Variants in KLC4 observed in about 807,000 individuals in gnomAD.
The protein encoded by KLC4 is kinesin-like protein 8.
In KLC4, 49 loss-of-function variants were observed where a neutral mutation model predicts 77.2. That is an observed-to-expected ratio of 0.63 (90% CI 0.50 to 0.80). The LOEUF (loss-of-function observed/expected upper bound fraction) is 0.80. Among genes scored for constraint, KLC4 ranks in the 30% least tolerant of loss-of-function variants. The pLI, the probability that KLC4 is intolerant of heterozygous loss-of-function variation, is 0.00. For synonymous variants in KLC4, 274 were observed against 314.5 expected (o/e 0.87, Z 1.36); for missense variants, 669 against 793.5 (o/e 0.84, Z 1.89).
At chr6:43,070,979 T>C in intron 8 of KLC4, 114 bp downstream of exon 8, 2 of 956,076 alleles carry the variant, frequency 2.1e-6, no homozygotes, top group East Asian at 2.7e-5. Flanking sequence ...AGCATCACAG[T>C]CTGGCACACT....
At chr6:43,067,318 TAA>T in intron 6 of KLC4, 5 of 897,084 alleles carry the variant, frequency 5.6e-6, no homozygotes, top group African/African-American at 1.7e-5. Flanking sequence ...AATTAATAGA[TAA>T]GTCATAGGTA....
Position 43,068,942 on chromosome 6 carries a change from T to A in KLC4, c.880-1412T>A, listed in dbSNP as rs1054401315. On this transcript the variant is annotated intron_variant, in intron 6 of 15. Transcript: ENST00000347162. ...GACCAACAAGGTGAAACCCTGTCTC[T>A]ACTAATAATACAAAAATTAGCCAGT... is the stretch of plus-strand genomic sequence containing the variant. Among the ~76,000 whole-genome samples, 3 of 152,114 alleles carry A rather than the reference T, an allele frequency of 2.0e-5. No individual in the cohort carries two copies. In the East Asian group the frequency reaches 5.8e-4, roughly 29 times the overall value.
At chr6:43,062,492 C>A (rs146402973) in intron 2 of KLC4, 1 of 176,662 alleles carries the variant, frequency 5.7e-6, no homozygotes, top group African/African-American at 2.4e-5. Context: ...GATCCACCCG[C>A]CTTGGCCTCC....
At position 43,074,372 on chromosome 6, in the gene KLC4, T is replaced by C. The variant is rs1010336776; in HGVS notation, c.1810-250T>C. ...TGATATTTTAATGGCAAATGACTTC[T>C]TGTATCAACACACAAGTATATGCCA... On this transcript the variant is annotated intron_variant, in intron 15 of 15. Transcript: ENST00000347162. 1.3e-5 allele frequency: 7 copies of C among 523,874 alleles called. No individual in the cohort carries two copies. In the African/African-American group the frequency reaches 1.3e-4, roughly 10 times the overall value. The allele number at this position is 523,874 out of a possible 1,614,324, so 32.5% of individuals were successfully genotyped here. A position where few individuals can be genotyped will look rare whatever the true frequency, so the allele number is the denominator to read the frequency against.
chr6:43,067,667 C>T (rs144315007), intron 6 of KLC4, among the ~76,000 whole-genome samples: 1,909 of 150,892 alleles, frequency 0.013, 47 homozygotes, highest in African/African-American at 0.043. Context: ...TGGTGGCGGG[C>T]GCCTGTAGTC....
chr6:43,062,870 G>T, intron 2 of KLC4, 47 bp from the exon 3 acceptor site: 1 of 1,546,176 alleles, frequency 6.5e-7, no homozygotes, highest in South Asian at 1.1e-5. Flanking sequence ...ACCTGTTCCT[G>T]AATACTCCCA....
In KLC4 at chr6:43,070,501, C is replaced by G. The variant is rs1178303174; in HGVS notation, c.981+46C>G. On this transcript the variant is annotated intron_variant, in intron 7 of 15. Coordinates refer to ENST00000347162, the MANE Select transcript of KLC4 (RefSeq NM_201521.3). ...TTCTTCTCTTGTCGCTGTGACCCTT[C>G]TCTACATGGCTCCTCTGGTCTAACC... The G allele has an allele frequency of 2.7e-6, 4 of 1,488,066 alleles. No individual in the cohort carries two copies. The South Asian group carries it at 4.5e-5, about 17-fold the overall frequency. The allele number at this position is 1,488,066 out of a possible 1,614,324, so 92.2% of individuals were successfully genotyped here.
chr6:43,074,497 G>A lies in KLC4; in HGVS notation c.1810-125G>A. On this transcript the variant is annotated intron_variant, in intron 15 of 15. Coordinates refer to ENST00000347162, the MANE Select transcript of KLC4 (RefSeq NM_201521.3). ...AAAGTCCCAGGTCCAGAGATAGACT[G>A]GTCCAGAGACAGATGTGATCCTAGG... 3 of 846,938 alleles carry A rather than the reference G, an allele frequency of 3.5e-6. No individual in the cohort carries two copies. In the South Asian group the frequency reaches 4.4e-5, roughly 12 times the overall value. 52.5% of individuals were successfully genotyped at this position (846,938 alleles called of 1,614,324 possible).
At chr6:43,061,134 T>A in intron 1 of KLC4, 177 bp from the exon 2 acceptor site, 1 of 641,800 alleles carries the variant, frequency 1.6e-6, no homozygotes, top group Middle Eastern at 3.4e-4. Flanking sequence ...CCCACAACCT[T>A]AGCTTTGAGT....
intron 6 of KLC4, chr6:43,067,405 G>C (rs1000539582): frequency 3.0e-5 from 12 of 405,702 alleles, no homozygotes; most frequent in African/African-American, 2.4e-4. Context: ...AAAGTAATTT[G>C]TAAGGACAAT....
At chr6:43,070,077 T>C (rs1184326884) in intron 6 of KLC4, among the ~76,000 whole-genome samples, 1 of 142,776 alleles carries the variant, frequency 7.0e-6, no homozygotes, top group African/African-American at 2.6e-5. Context: ...GTAATCTTCA[T>C]GGTGACAACA....
chr6:43,067,126 C>T (rs201974542), intron 6 of KLC4, 43 bp downstream of exon 6: 7 of 1,603,666 alleles, frequency 4.4e-6, no homozygotes, highest in African/African-American at 2.7e-5. Flanking sequence ...CCGCACCCCC[C>T]ACCATTGCTG....
chr6:43,071,805 T>C (rs1462183626), intron 10 of KLC4, 47 bp from the exon 11 acceptor site: 3 of 1,586,854 alleles, frequency 1.9e-6, no homozygotes, highest in Non-Finnish European at 2.6e-6. Flanking sequence ...TGTATTCTTA[T>C]ATTTGGCTCT....
intron 6 of KLC4, 69 bp downstream of exon 6, chr6:43,067,152 G>A (rs1411342319): frequency 2.2e-6 from 3 of 1,392,200 alleles, no homozygotes; most frequent in Non-Finnish European, 2.9e-6. Context: ...GCCTCTCTTA[G>A]CTCATCCATC....
rs1438310233 is a variant in KLC4 at position 43,070,812 on chromosome 6, G to C, written c.1102G>C (p.Glu368Gln). ...CTACCAGCGAGCACTGGCCATCTAC[G>C]AGGGGCAGCTGGGGCCGGACAACCC... Reference protein sequence around the residue: ...RYYQRALAIYEGQLGPDNPNV... With the variant: ...RYYQRALAIYQGQLGPDNPNV... The change falls in exon 8 of 16, where the codon GAG becomes CAG. Residue 368 changes from glutamate to glutamine, a missense_variant. By Grantham distance (29) the Glu-to-Gln change is conservative (BLOSUM62 2). Coordinates refer to ENST00000347162, the MANE Select transcript of KLC4 (RefSeq NM_201521.3). 6.2e-7 allele frequency: 1 copy of C among 1,613,534 alleles called. No individual in the cohort carries two copies. Among genetic ancestry groups the C allele is most frequent in the Non-Finnish European group, 8.5e-7 (1 of 1,179,878 alleles).
chr6:43,063,043 C>T lies in KLC4; in HGVS notation c.385C>T (p.Arg129Trp), dbSNP rs766293479. 5.3e-5 allele frequency: 86 copies of T among 1,614,088 alleles called. No individual in the cohort carries two copies. Among genetic ancestry groups the T allele is most frequent in the Non-Finnish European group, 7.1e-5 (84 of 1,180,044 alleles). Residue 129 changes from arginine to tryptophan, a missense_variant, in exon 3 of 16, where the codon CGG (arginine) becomes TGG (tryptophan). Physicochemically the swap from Arg to Trp is moderately radical, Grantham distance 101 (BLOSUM62 -3). Transcript: ENST00000347162. Reference sequence around the variant, plus strand: ...GGATGAGCTGGCTGGCACCCAGCAGCGGCTACAGCGCAGTGAACAGGCTGT... The same window carrying T: ...GGATGAGCTGGCTGGCACCCAGCAGTGGCTACAGCGCAGTGAACAGGCTGT... ...LRDELAGTQQ[R>W]LQRSEQAVAQ...
At chr6:43,064,265 T>C (rs574823565) in intron 3 of KLC4, among the ~76,000 whole-genome samples, 93 of 152,266 alleles carry the variant, frequency 6.1e-4, no homozygotes, top group African/African-American at 1.9e-3. Context: ...GTGGGAAGAA[T>C]TTCACAGAGA....
Position 43,065,707 on chromosome 6 carries a change from T to C in KLC4, c.571+6T>C. On this transcript the variant is annotated splice_donor_region_variant and intron_variant, in intron 4 of 15. Coordinates refer to ENST00000347162, the MANE Select transcript of KLC4 (RefSeq NM_201521.3). The stretch of plus-strand genomic sequence containing the variant: ...AGAGGACCCCAGCAATGGCTGTGAG[T>C]CTGCCTCTGGAATGGGAGGGTGAAA... 1 of 1,607,454 alleles carries C rather than the reference T, an allele frequency of 6.2e-7. No homozygotes were observed. Among genetic ancestry groups the C allele is most frequent in the Non-Finnish European group, 8.5e-7 (1 of 1,174,462 alleles).
rs1045984405 is a variant in KLC4, at chr6:43,074,942, A to G, written c.*270A>G. 8.7e-6 allele frequency: 4 copies of G among 458,698 alleles called. No homozygotes were observed. The highest frequency in any genetic ancestry group is 3.8e-5 in the East Asian group (1 of 26,664). 28.4% of individuals were successfully genotyped at this position (458,698 alleles called of 1,614,324 possible). The stretch of plus-strand genomic sequence containing the variant: ...TGGGTACAAAGCAGGTATGGCCCTC[A>G]GAGATGCAGCCTGCTGCTGGCTTTT... On this transcript the variant is annotated 3_prime_UTR_variant, in exon 16 of 16. Coordinates refer to ENST00000347162, the MANE Select transcript of KLC4 (RefSeq NM_201521.3).
Sources: allele counts gnomAD v4.1 joint callset (sites outside exome capture counted in the v4.1 genomes callset), GRCh38; gene constraint gnomAD v4.1.1; transcripts MANE v1.5; gene names NCBI Gene and HGNC (gene_info 2026-07-23, HGNC 2026-07-21).